The following PDE4D variants were observed in gnomAD, a reference collection of about 807,000 sequenced individuals.
PDE4D encodes the protein phosphodiesterase 4D.
A neutral mutation model predicts 87.4 loss-of-function variants in PDE4D; 24 were observed. The observed-to-expected ratio is 0.27, with a 90% CI of 0.20 to 0.39. The LOEUF is 0.39. PDE4D is among the 10% of genes least tolerant of loss of function. PDE4D has a pLI of 1.00. For missense variants in PDE4D, 714 were observed against 1,041.0 expected, an observed-to-expected ratio of 0.69 and a Z score of 4.32; for synonymous variants, 384 against 383.2, an observed-to-expected ratio of 1.00 and a Z score of -0.02.
intron 3 of PDE4D, among the ~76,000 whole-genome samples, chr5:59,929,318 G>A (rs544245249): frequency 6.9e-6 from 1 of 144,586 alleles, no homozygotes; most frequent in African/African-American, 2.6e-5. Context: ...CAATCTCTGA[G>A]GAACCCAATC....
At chr5:60,128,666 T>C (rs1779320739) in intron 2 of PDE4D, among the ~76,000 whole-genome samples, 1 of 152,186 alleles carries the variant, frequency 6.6e-6, no homozygotes, top group Non-Finnish European at 1.5e-5. Flanking sequence ...GCAACTGGGA[T>C]TTGGGTATTT....
chr5:59,152,272 A>T (rs1779580688), intron 5 of PDE4D, among the ~76,000 whole-genome samples: 1 of 152,220 alleles, frequency 6.6e-6, no homozygotes, highest in Non-Finnish European at 1.5e-5. Context: ...AAAGAGAGAA[A>T]CAAAGCAAAG....
chr5:59,816,015 G>A lies in PDE4D; in HGVS notation c.455+77153C>T, dbSNP rs533985845. Reference sequence around the variant, plus strand: ...GAAAAGCCATACATATCTAAAGCACGAGTGAATTCTTTCTTACTGAACCTA... The same window carrying A: ...GAAAAGCCATACATATCTAAAGCACAAGTGAATTCTTTCTTACTGAACCTA... On this transcript the variant is annotated intron_variant, in intron 1 of 14. Coordinates refer to ENST00000340635, the MANE Select transcript of PDE4D (RefSeq NM_001104631.2). Among the ~76,000 whole-genome samples, 57 of 152,312 alleles carry A rather than the reference G, an allele frequency of 3.7e-4. 1 individual carries two copies. In the South Asian group the frequency reaches 0.011, roughly 30 times the overall value.
chr5:59,840,606 T>C (rs1459472900), intron 1 of PDE4D, among the ~76,000 whole-genome samples: 2 of 151,938 alleles, frequency 1.3e-5, no homozygotes, highest in African/African-American at 4.8e-5. Flanking sequence ...AATTTGAGCC[T>C]GGAAAAAGGG....
chr5:60,278,694 T>C (rs891608789), intron 1 of PDE4D, among the ~76,000 whole-genome samples: 3 of 152,118 alleles, frequency 2.0e-5, no homozygotes, highest in Admixed American at 6.5e-5. Flanking sequence ...CTTTTTCTTT[T>C]AGTTATTGTA....
At chr5:60,000,064 AG>A (rs1256150358) in intron 2 of PDE4D, among the ~76,000 whole-genome samples, 1 of 152,120 alleles carries the variant, frequency 6.6e-6, no homozygotes, top group Non-Finnish European at 1.5e-5. Context: ...AATGAAGAAA[AG>A]TGAAGAAAGA....
At chr5:59,279,292 C>T (rs1221544877) in intron 1 of PDE4D, among the ~76,000 whole-genome samples, 1 of 152,082 alleles carries the variant, frequency 6.6e-6, no homozygotes, top group Non-Finnish European at 1.5e-5. Flanking sequence ...CTGCTATTCT[C>T]TATTGTACTC....
chr5:59,056,273 C>G (rs1762343338), intron 5 of PDE4D, among the ~76,000 whole-genome samples: 1 of 152,122 alleles, frequency 6.6e-6, no homozygotes, highest in African/African-American at 2.4e-5. Flanking sequence ...TCTCCAAATT[C>G]TCTAAAGTGG....
At chr5:60,085,093 C>A (rs927293612) in intron 2 of PDE4D, among the ~76,000 whole-genome samples, 1 of 152,082 alleles carries the variant, frequency 6.6e-6, no homozygotes, top group Non-Finnish European at 1.5e-5. Context: ...TTTCTTTACT[C>A]CACTGAGATA....
At chr5:59,677,085 A>G (rs920795628) in intron 1 of PDE4D, among the ~76,000 whole-genome samples, 4 of 152,018 alleles carry the variant, frequency 2.6e-5, no homozygotes, top group Admixed American at 6.6e-5. Context: ...CCCTATCTCC[A>G]AATACTCCAA....
intron 2 of PDE4D, among the ~76,000 whole-genome samples, chr5:60,107,766 T>A (rs1273959398): frequency 1.3e-5 from 2 of 152,200 alleles, no homozygotes; most frequent in East Asian, 3.9e-4. Context: ...ACCACATGAT[T>A]ATCTCAATAG....
intron 1 of PDE4D, among the ~76,000 whole-genome samples, chr5:60,240,980 C>T (rs10051717): frequency 0.36 from 55,257 of 151,838 alleles, 10,490 homozygotes; most frequent in Admixed American, 0.44. Flanking sequence ...CAAACATCAA[C>T]GAGCATTAAG....
intron 5 of PDE4D, among the ~76,000 whole-genome samples, chr5:59,125,017 T>C (rs560122595): frequency 1.3e-5 from 2 of 152,184 alleles, no homozygotes; most frequent in Admixed American, 6.5e-5. Flanking sequence ...AAAAGACTTA[T>C]ATCTGCTACA....
At chr5:60,248,435 T>C (rs4410606) in intron 1 of PDE4D, among the ~76,000 whole-genome samples, 61,736 of 151,726 alleles carry the variant, frequency 0.41, 12,939 homozygotes, top group Admixed American at 0.47. Flanking sequence ...TCCTCATGAG[T>C]TGGGAAGCTG....
rs372639202 is a variant in PDE4D, at chr5:59,727,676, T to C, written c.455+165492A>G. Among the ~76,000 whole-genome samples the C allele has an allele frequency of 7.9e-5, 12 of 152,220 alleles. No individual in the cohort carries two copies. In the South Asian group the frequency reaches 2.1e-3, roughly 26 times the overall value. ...CCTGTTTAAAGTCCTGACTCTAATG[T>C]CTACTGGTAAGGTGCTGGTGGGCAG... is the stretch of plus-strand genomic sequence containing the variant. On this transcript the variant is annotated intron_variant, in intron 1 of 14. Transcript: ENST00000340635.
At chr5:59,644,702 G>A (rs931641402) in intron 1 of PDE4D, among the ~76,000 whole-genome samples, 2 of 152,104 alleles carry the variant, frequency 1.3e-5, no homozygotes, top group African/African-American at 2.4e-5. Context: ...TAATGTAAAC[G>A]TGTGTATCTG....
chr5:59,570,503 G>T (rs915467459), intron 1 of PDE4D, among the ~76,000 whole-genome samples: 1 of 152,094 alleles, frequency 6.6e-6, no homozygotes, highest in Admixed American at 6.6e-5. Context: ...TAGAAAAAAA[G>T]ACAATGCAGA....
intron 1 of PDE4D, among the ~76,000 whole-genome samples, chr5:59,381,219 A>G (rs1045146642): frequency 1.3e-5 from 2 of 152,132 alleles, no homozygotes; most frequent in African/African-American, 2.4e-5. Flanking sequence ...TTTTAGTGAA[A>G]CCATTTGTTA....
At chr5:59,039,513 G>A in intron 5 of PDE4D, 1 of 985,754 alleles carries the variant, frequency 1.0e-6, no homozygotes, top group Non-Finnish European at 1.2e-6. Context: ...CGGCCACCAC[G>A]TTTCCTGTTT....
Sources: gnomAD v4.1 joint callset for allele counts (sites outside exome capture counted in the v4.1 genomes callset) on GRCh38, gnomAD v4.1.1 for gene constraint, MANE v1.5 for transcripts, NCBI Gene and HGNC (gene_info 2026-07-23, HGNC 2026-07-21) for gene names.